GPC6: variants seen among roughly 807,000 people sequenced by gnomAD.
The protein encoded by GPC6 is glypican 6.
A neutral mutation model predicts 55.2 loss-of-function variants in GPC6; 14 were observed. The ratio of observed to expected loss-of-function variants is 0.25; its 90% CI spans 0.17 to 0.40. The LOEUF is 0.40. GPC6 is among the 10% of genes least tolerant of loss of function. The pLI, the probability that GPC6 is intolerant of heterozygous loss-of-function variation, is 1.00. For synonymous variants in GPC6, 278 were observed against 259.6 expected, an observed-to-expected ratio of 1.07 and a Z score of -0.68; for missense variants, 641 against 708.5, an observed-to-expected ratio of 0.90 and a Z score of 1.08.
chr13:94,044,088 TC>T (rs966069634), intron 4 of GPC6, among the ~76,000 whole-genome samples: 1 of 151,782 alleles, frequency 6.6e-6, no homozygotes, highest in African/African-American at 2.4e-5. Flanking sequence ...TTTAGCTATG[TC>T]CCCCCACCTT....
At chr13:93,444,225 T>A (rs887002266) in intron 1 of GPC6, among the ~76,000 whole-genome samples, 21 of 131,218 alleles carry the variant, frequency 1.6e-4, no homozygotes, top group African/African-American at 5.9e-4. Flanking sequence ...GGTAAATTGG[T>A]ATTAAGTGGG....
intron 1 of GPC6, among the ~76,000 whole-genome samples, chr13:93,354,908 C>A (rs769677413): frequency 1.3e-5 from 2 of 152,092 alleles, no homozygotes; most frequent in African/African-American, 4.8e-5. Context: ...ACCAGCTTAA[C>A]CTTCCTGTGT....
intron 3 of GPC6, among the ~76,000 whole-genome samples, chr13:93,910,882 C>A (rs183293906): frequency 5.3e-5 from 8 of 152,140 alleles, no homozygotes; most frequent in Non-Finnish European, 1.0e-4. Flanking sequence ...CTCAAAGGAA[C>A]CCCCATAGTA....
At chr13:93,297,454 T>C (rs149455957) in intron 1 of GPC6, among the ~76,000 whole-genome samples, 2,368 of 152,112 alleles carry the variant, frequency 0.016, 57 homozygotes, top group African/African-American at 0.055. Context: ...TTAATTTAAT[T>C]CTTAAAAATG....
intron 1 of GPC6, among the ~76,000 whole-genome samples, chr13:93,480,466 G>A (rs984404023): frequency 1.3e-5 from 2 of 152,090 alleles, no homozygotes; most frequent in African/African-American, 2.4e-5. Flanking sequence ...GGACAAGAAC[G>A]TGATTTTTGG....
intron 2 of GPC6, among the ~76,000 whole-genome samples, chr13:93,629,848 T>C (rs1039423040): frequency 1.3e-4 from 20 of 152,224 alleles, no homozygotes; most frequent in African/African-American, 4.6e-4. Context: ...CAACTTTATC[T>C]CTGCAATATC....
chr13:93,853,624 T>G (rs1888494353), intron 3 of GPC6, among the ~76,000 whole-genome samples: 1 of 151,626 alleles, frequency 6.6e-6, no homozygotes, highest in South Asian at 2.1e-4. Context: ...ACAATTTGTC[T>G]CTTATCCTTG....
chr13:93,904,930 C>T (rs1338170228), intron 3 of GPC6, among the ~76,000 whole-genome samples: 1 of 126,164 alleles, frequency 7.9e-6, no homozygotes, highest in Non-Finnish European at 1.6e-5. Flanking sequence ...TTCCCCCTCC[C>T]CCCACCCCAC....
At chr13:93,513,410 C>T (rs1881059213) in intron 1 of GPC6, among the ~76,000 whole-genome samples, 1 of 152,154 alleles carries the variant, frequency 6.6e-6, no homozygotes, top group Admixed American at 6.6e-5. Flanking sequence ...CTAGCCAAAT[C>T]AAATTGGTGA....
intron 2 of GPC6, among the ~76,000 whole-genome samples, chr13:93,699,465 G>A (rs527732540): frequency 1.3e-5 from 2 of 152,096 alleles, no homozygotes; most frequent in South Asian, 4.1e-4. Flanking sequence ...TGACACCACT[G>A]TACAGAGAGG....
intron 6 of GPC6, among the ~76,000 whole-genome samples, chr13:94,308,020 GTA>G (rs1217826756): frequency 6.6e-6 from 1 of 152,108 alleles, no homozygotes; most frequent in Non-Finnish European, 1.5e-5. Context: ...TGTTAAGAGG[GTA>G]GATGTCATGT....
intron 4 of GPC6, among the ~76,000 whole-genome samples, chr13:94,268,992 TG>T (rs1891903873): frequency 6.6e-6 from 1 of 152,224 alleles, no homozygotes; most frequent in South Asian, 2.1e-4. Flanking sequence ...CATCCAATTC[TG>T]TTCTCAGTAC....
At chr13:93,371,166 A>T (rs1874632596) in intron 1 of GPC6, among the ~76,000 whole-genome samples, 1 of 152,082 alleles carries the variant, frequency 6.6e-6, no homozygotes, top group Admixed American at 6.6e-5. Flanking sequence ...TCCAAAGGTC[A>T]TTGGGATCAG....
At chr13:94,272,671 TGTTA>T (rs1442840633) in intron 4 of GPC6, among the ~76,000 whole-genome samples, 2 of 151,892 alleles carry the variant, frequency 1.3e-5, no homozygotes, top group Non-Finnish European at 2.9e-5. Flanking sequence ...GGTTTCACCG[TGTTA>T]GCCAGGATGG....
At chr13:94,258,989 C>G (rs1184123611) in intron 4 of GPC6, among the ~76,000 whole-genome samples, 2 of 152,096 alleles carry the variant, frequency 1.3e-5, no homozygotes, top group Non-Finnish European at 2.9e-5. Context: ...CCCAGAAGCC[C>G]CTCACAAACT....
At chr13:93,248,417 T>TG (rs200804295) in intron 1 of GPC6, among the ~76,000 whole-genome samples, 4,645 of 151,148 alleles carry the variant, frequency 0.031, 227 homozygotes, top group African/African-American at 0.11. Flanking sequence ...GTTCTGTACT[T>TG]TAAAAGGCCC....
chr13:94,026,476 A>G (rs886821450), intron 3 of GPC6, among the ~76,000 whole-genome samples: 2 of 151,818 alleles, frequency 1.3e-5, no homozygotes, highest in Non-Finnish European at 2.9e-5. Context: ...TTTTTTCCTC[A>G]GATCTAGAAT....
In GPC6 at chr13:93,622,348, C is replaced by G. The variant is rs377240131; in HGVS notation, c.319+76927C>G. ...ATAAGGGAACTCAAGCTTTAGGAAG[C>G]TTATGGATGAGTAGTATTCCATTGT... On this transcript the variant is annotated intron_variant, in intron 2 of 8. Coordinates refer to ENST00000377047, the MANE Select transcript of GPC6 (RefSeq NM_005708.5). Among the ~76,000 whole-genome samples, 10 of 152,200 alleles carry G rather than the reference C, an allele frequency of 6.6e-5. No individual in the cohort carries two copies. The East Asian group carries it at 1.5e-3, about 24-fold the overall frequency.
intron 2 of GPC6, among the ~76,000 whole-genome samples, chr13:93,644,225 G>A (rs1421383012): frequency 2.6e-5 from 4 of 151,808 alleles, no homozygotes; most frequent in African/African-American, 7.3e-5. Context: ...CTGTAAATTC[G>A]GAAATTATAC....
Sources: allele counts gnomAD v4.1 joint callset (sites outside exome capture counted in the v4.1 genomes callset), GRCh38; gene constraint gnomAD v4.1.1; transcripts MANE v1.5; gene names NCBI Gene and HGNC (gene_info 2026-07-23, HGNC 2026-07-21).